ALKBH3: variants seen among roughly 807,000 people sequenced by gnomAD.
ALKBH3 encodes the protein alkB homolog 3, alpha-ketoglutarate dependent dioxygenase, also known as alpha-ketoglutarate-dependent dioxygenase alkB homolog 3.
A neutral mutation model predicts 43.9 loss-of-function variants in ALKBH3; 51 were observed. That is an observed-to-expected ratio of 1.16 (90% CI 0.93 to 1.47). The LOEUF is 1.47. Ranked by LOEUF, ALKBH3 falls within the 40% of genes most tolerant of loss-of-function variation. The probability of loss-of-function intolerance (pLI) is 0.00; values close to 1 mark genes in which losing one functional copy is unlikely to be tolerated. For synonymous variants in ALKBH3, 102 were observed against 115.2 expected (o/e 0.89, Z 0.73); for missense variants, 361 against 351.9 (o/e 1.03, Z -0.21).
chr11:43,889,581 G>A (rs10838197), intron 5 of ALKBH3, 144 bp from the exon 6 acceptor site: 159,503 of 625,300 alleles, frequency 0.26, 22,579 homozygotes, highest in Admixed American at 0.43. Context: ...GGTGATGTTA[G>A]GCTCTGCTTG....
At chr11:43,912,275 A>G (rs927303073) in intron 8 of ALKBH3, 1 of 152,220 alleles carries the variant, frequency 6.6e-6, no homozygotes, top group African/African-American at 2.4e-5. Flanking sequence ...AGATTGCCAA[A>G]TCCATACATG....
intron 8 of ALKBH3, among the ~76,000 whole-genome samples, chr11:43,903,859 A>G (rs1305876965): frequency 3.9e-5 from 6 of 152,166 alleles, no homozygotes; most frequent in Non-Finnish European, 7.3e-5. Flanking sequence ...TGCATTCACA[A>G]TATTCTGGTG....
intron 7 of ALKBH3, chr11:43,899,198 C>G: frequency 1.3e-6 from 1 of 771,446 alleles, no homozygotes. Context: ...CAATGTGCAG[C>G]TCATAGACAA....
intron 8 of ALKBH3, among the ~76,000 whole-genome samples, chr11:43,915,498 A>T (rs1246973968): frequency 1.3e-5 from 2 of 152,212 alleles, no homozygotes; most frequent in African/African-American, 4.8e-5. Context: ...TTTGCCCAAA[A>T]ATCTGCTTGC....
chr11:43,920,084 G>A lies in ALKBH3; in HGVS notation c.*74G>A. 7.3e-7 allele frequency: 1 copy of A among 1,370,948 alleles called. No individual in the cohort carries two copies. Among genetic ancestry groups the A allele is most frequent in the Non-Finnish European group, 1.0e-6 (1 of 965,594 alleles). The allele number at this position is 1,370,948 out of a possible 1,614,324, so 84.9% of individuals were successfully genotyped here. The stretch of plus-strand genomic sequence containing the variant: ...ACTGAGAAGCCACTTCAAGAGGCTG[G>A]TGCTGCTAGATCTCATGATGTGGCT... On this transcript the variant is annotated 3_prime_UTR_variant, in exon 10 of 10. Coordinates refer to ENST00000302708, the MANE Select transcript of ALKBH3 (RefSeq NM_139178.4).
chr11:43,911,157 G>A (rs1242674270), intron 8 of ALKBH3, among the ~76,000 whole-genome samples: 1 of 152,222 alleles, frequency 6.6e-6, no homozygotes, highest in Admixed American at 6.5e-5. Context: ...GGCAAGAGTA[G>A]GAGACTAAAA....
intron 8 of ALKBH3, among the ~76,000 whole-genome samples, chr11:43,913,106 T>TTA (rs1951953711): frequency 7.5e-6 from 1 of 133,918 alleles, no homozygotes; most frequent in African/African-American, 2.7e-5. Context: ...TTCCAGTTGT[T>TTA]AAAAAAAAAA....
chr11:43,915,538 T>A (rs1460176213), intron 8 of ALKBH3, among the ~76,000 whole-genome samples: 1 of 151,986 alleles, frequency 6.6e-6, no homozygotes, highest in Admixed American at 6.5e-5. Context: ...TCCCTCTTTT[T>A]AAAAAAAAAT....
intron 8 of ALKBH3, chr11:43,909,183 T>G (rs1171951612): frequency 6.6e-6 from 1 of 152,220 alleles, no homozygotes; most frequent in Non-Finnish European, 1.5e-5. Context: ...GCAGATCTTA[T>G]TTCAGAAACA....
intron 8 of ALKBH3, among the ~76,000 whole-genome samples, chr11:43,911,332 G>A (rs957127090): frequency 6.6e-6 from 1 of 152,204 alleles, no homozygotes; most frequent in Admixed American, 6.5e-5. Context: ...ACTCCCAGGT[G>A]TCTGACTTGA....
chr11:43,884,172 A>T (rs1324292268), intron 4 of ALKBH3, among the ~76,000 whole-genome samples, 155 bp downstream of exon 4: 2 of 152,192 alleles, frequency 1.3e-5, no homozygotes, highest in African/African-American at 4.8e-5. Flanking sequence ...TTTAAACTTG[A>T]TCTTTTGAGA....
Position 43,903,988 on chromosome 11 carries a change from A to T in ALKBH3, c.669+2263A>T, listed in dbSNP as rs114085711. Among the ~76,000 whole-genome samples the T allele has an allele frequency of 6.6e-3, 1,002 of 152,332 alleles. 7 individuals carry two copies. The highest frequency in any genetic ancestry group is 0.024 in the African/African-American group (981 of 41,576). ...CTTGGTAGTACACATCAGTTATGTT[A>T]TAGGGTAACATGTAGATGGAGAGCA... On this transcript the variant is annotated intron_variant, in intron 8 of 9. Transcript: ENST00000302708.
At chr11:43,890,019 C>T (rs775480191) in intron 6 of ALKBH3, among the ~76,000 whole-genome samples, 191 bp downstream of exon 6, 2 of 152,034 alleles carry the variant, frequency 1.3e-5, no homozygotes, top group Non-Finnish European at 2.9e-5. Flanking sequence ...AGGTGGAAGG[C>T]CCAGAGATCA....
intron 2 of ALKBH3, 33 bp from the exon 3 acceptor site, chr11:43,883,052 C>G: frequency 6.3e-7 from 1 of 1,579,278 alleles, no homozygotes; most frequent in Non-Finnish European, 8.7e-7. Flanking sequence ...CAGACTTTCC[C>G]CTGGTTTGAG....
intron 3 of ALKBH3, 29 bp from the exon 4 acceptor site, chr11:43,883,954 A>G (rs1424249064): frequency 1.9e-6 from 3 of 1,612,958 alleles, no homozygotes. Flanking sequence ...AGAACATCCC[A>G]GAAGTAAGAT....
rs1170668775 is a variant in ALKBH3, at chr11:43,920,003, C to T, written c.854C>T (p.Pro285Leu). Residue 285 changes from proline (P) to leucine (L), a missense_variant, in exon 10 of 10, where the codon CCC becomes CTC. Pro to Leu is a moderately conservative substitution (Grantham distance 98, BLOSUM62 -3). Transcript: ENST00000302708. ...RTVYPDPRGA[P>L]W ...GTCTATCCAGACCCTCGAGGGGCAC[C>T]CTGGTGACGTCAGAGCTTTGAGAGA... 1 of 1,613,616 alleles carries T rather than the reference C, an allele frequency of 6.2e-7. No homozygotes were observed. Among genetic ancestry groups the T allele is most frequent in the Non-Finnish European group, 8.5e-7 (1 of 1,179,626 alleles).
chr11:43,900,455 C>T (rs11037722), intron 7 of ALKBH3, among the ~76,000 whole-genome samples: 41,803 of 151,854 alleles, frequency 0.28, 7,012 homozygotes, highest in East Asian at 0.58. Context: ...AACTCCCGAC[C>T]TCGTGATCCA....
intron 7 of ALKBH3, among the ~76,000 whole-genome samples, chr11:43,892,896 A>G (rs572063927): frequency 5.9e-5 from 9 of 152,354 alleles, no homozygotes; most frequent in South Asian, 2.1e-4. Context: ...GGGAGAAAAC[A>G]TTGACTGAGG....
chr11:43,884,845 G>C (rs1027316133), intron 4 of ALKBH3, among the ~76,000 whole-genome samples: 1 of 152,210 alleles, frequency 6.6e-6, no homozygotes, highest in Non-Finnish European at 1.5e-5. Context: ...TCCATCTTCT[G>C]GGCTCAAGTG....
Sources: gnomAD v4.1 joint callset for allele counts (sites outside exome capture counted in the v4.1 genomes callset) on GRCh38, gnomAD v4.1.1 for gene constraint, MANE v1.5 for transcripts, NCBI Gene and HGNC (gene_info 2026-07-23, HGNC 2026-07-21) for gene names.